The following CCDC134 variants were observed in gnomAD, a reference collection of about 807,000 sequenced individuals.
CCDC134 encodes coiled-coil domain containing 134.
In CCDC134, 27 loss-of-function variants were observed where a neutral mutation model predicts 25.6. The ratio of observed to expected loss-of-function variants is 1.05; its 90% confidence interval spans 0.78 to 1.45. The LOEUF is 1.45. CCDC134 is among the 40% of genes most tolerant of loss of function. The probability of loss-of-function intolerance (pLI) is 0.00; values close to 1 mark genes in which losing one functional copy is unlikely to be tolerated. For missense variants in CCDC134, 261 were observed against 286.7 expected (o/e 0.91, Z 0.65); for synonymous variants, 110 against 115.0 (o/e 0.96, Z 0.28).
intron 1 of CCDC134, among the ~76,000 whole-genome samples, chr22:41,807,759 C>T (rs1045528498): frequency 3.3e-5 from 5 of 152,066 alleles, no homozygotes; most frequent in Admixed American, 6.6e-5. Context: ...TAGTGGCTCA[C>T]GCCTGTAATC....
At chr22:41,804,026 G>A (rs140917913) in intron 1 of CCDC134, among the ~76,000 whole-genome samples, 5 of 152,098 alleles carry the variant, frequency 3.3e-5, no homozygotes, top group Admixed American at 2.0e-4. Flanking sequence ...CTAGTTACTC[G>A]GGAGGCTGAG....
intron 1 of CCDC134, among the ~76,000 whole-genome samples, chr22:41,802,172 G>C (rs926451884): frequency 3.5e-5 from 5 of 144,094 alleles, no homozygotes; most frequent in Non-Finnish European, 7.6e-5. Context: ...TGTTGTTCTT[G>C]TTTTTTCCCA....
chr22:41,813,499 G>T lies in CCDC134; in HGVS notation c.492+54G>T, dbSNP rs530566441. Reference sequence around the variant, plus strand: ...AGCCCTCTGTCGGGTAGTGGACTAGGATCCTCACATCTGCCTTCAGTTGGG... The same window carrying T: ...AGCCCTCTGTCGGGTAGTGGACTAGTATCCTCACATCTGCCTTCAGTTGGG... On this transcript the variant is annotated intron_variant, in intron 5 of 6. Transcript: ENST00000255784. 103 of 1,588,302 alleles carry T rather than the reference G, an allele frequency of 6.5e-5. No individual in the cohort carries two copies. In the African/African-American group the frequency reaches 1.3e-3, roughly 20 times the overall value.
chr22:41,813,575 T>C, intron 5 of CCDC134, 130 bp downstream of exon 5: 2 of 1,270,910 alleles, frequency 1.6e-6, no homozygotes, highest in Non-Finnish European at 1.1e-6. Flanking sequence ...TCAGGGTATC[T>C]TGGGCCACAG....
chr22:41,822,082 G>A (rs1015859552), intron 6 of CCDC134, among the ~76,000 whole-genome samples: 3 of 152,204 alleles, frequency 2.0e-5, no homozygotes, highest in Admixed American at 6.5e-5. Flanking sequence ...GGTAGAAGGC[G>A]GTGGCCAGAG....
At position 41,827,007 on chromosome 22, in the gene CCDC134, C is replaced by A. The variant is rs1417786257; in HGVS notation, c.*1184C>A. ...ATTTGCTGACTGGCCTTGGCCCACCCCTCCCTGTGCTGCAGCTTCATTGGC... is the reference window on the plus strand; with the variant it reads ...ATTTGCTGACTGGCCTTGGCCCACCACTCCCTGTGCTGCAGCTTCATTGGC... On this transcript the variant is annotated 3_prime_UTR_variant, in exon 7 of 7. Transcript: ENST00000255784. 2.0e-5 allele frequency among the ~76,000 whole-genome samples: 3 copies of A among 152,236 alleles called. No homozygotes were observed. The highest frequency in any genetic ancestry group is 6.5e-5 in the Admixed American group (1 of 15,288).
intron 6 of CCDC134, among the ~76,000 whole-genome samples, chr22:41,817,664 A>T (rs2076629176): frequency 6.6e-6 from 1 of 151,934 alleles, no homozygotes; most frequent in Admixed American, 6.6e-5. Context: ...CCCGGGAGGC[A>T]GAGGTTGCAG....
At position 41,825,948 on chromosome 22, in the gene CCDC134, G is replaced by A. The variant is rs944960942; in HGVS notation, c.*125G>A. On this transcript the variant is annotated 3_prime_UTR_variant, in exon 7 of 7. Transcript: ENST00000255784. This position sits in a 1 kb window ranked among gnomAD's most constrained non-coding sequence, Gnocchi z 4.4. ...CCAGAAGGGGAGGCCACATTTGCCC[G>A]GCCCCCTGGAGCTGGGTCTGAGCCC... is the stretch of plus-strand genomic sequence containing the variant. The A allele has an allele frequency of 2.2e-6, 3 of 1,370,880 alleles. No homozygotes were observed. The highest frequency in any genetic ancestry group is 2.7e-4 in the Middle Eastern group (1 of 3,692). The allele number at this position is 1,370,880 out of a possible 1,614,324, so 84.9% of individuals were successfully genotyped here. A position where few individuals can be genotyped will look rare whatever the true frequency, so the allele number is the denominator to read the frequency against.
intron 1 of CCDC134, among the ~76,000 whole-genome samples, chr22:41,802,262 C>A (rs1412149841): frequency 6.6e-6 from 1 of 152,188 alleles, no homozygotes; most frequent in East Asian, 1.9e-4. Context: ...TCATATTTCC[C>A]CCTTTTGGTC....
At chr22:41,805,837 T>G (rs1021935991) in intron 1 of CCDC134, among the ~76,000 whole-genome samples, 1 of 152,140 alleles carries the variant, frequency 6.6e-6, no homozygotes, top group Non-Finnish European at 1.5e-5. Flanking sequence ...CACAGGATGT[T>G]GAGGTAGGAG....
chr22:41,809,985 C>CA lies in CCDC134; in HGVS notation c.212dup (p.Leu73AlafsTer3). On this transcript the variant is annotated frameshift_variant, in exon 3 of 7. Transcript: ENST00000255784. LOFTEE classifies it high-confidence loss of function. ...AGTACAAGATCCTTGATGTCATGCTCAAGGGGCTCTTTAAGGTGTGTGCAG... is the reference window on the plus strand; with the variant it reads ...AGTACAAGATCCTTGATGTCATGCTCAAAGGGGCTCTTTAAGGTGTGTGCAG... 1 of 1,614,108 alleles carries CA rather than the reference C, an allele frequency of 6.2e-7. No individual in the cohort carries two copies. The highest frequency in any genetic ancestry group is 8.5e-7 in the Non-Finnish European group (1 of 1,180,012).
chr22:41,819,963 TTATATATATATATATATATA>T (rs34213936), intron 6 of CCDC134, among the ~76,000 whole-genome samples: 11 of 82,620 alleles, frequency 1.3e-4, no homozygotes, highest in East Asian at 1.1e-3. Flanking sequence ...ACTTACCACT[TTATATATATATATATATATA>T]TATATATATA....
chr22:41,808,702 T>A (rs554808184), intron 1 of CCDC134, among the ~76,000 whole-genome samples, 173 bp from the exon 2 acceptor site: 2 of 152,342 alleles, frequency 1.3e-5, no homozygotes, highest in South Asian at 4.1e-4. Context: ...GGCTCTGTAT[T>A]GTGTGCCTGC....
chr22:41,824,687 G>A (rs1033334434), intron 6 of CCDC134, among the ~76,000 whole-genome samples: 3 of 152,162 alleles, frequency 2.0e-5, no homozygotes, highest in Non-Finnish European at 2.9e-5. Flanking sequence ...TTGAACCCGG[G>A]AGGTGGAGGT....
chr22:41,818,395 GT>G (rs1483838373), intron 6 of CCDC134, among the ~76,000 whole-genome samples: 1 of 152,222 alleles, frequency 6.6e-6, no homozygotes, highest in East Asian at 1.9e-4. Flanking sequence ...TGCACAAACA[GT>G]TTAGGCACAG....
Position 41,827,249 on chromosome 22 carries a change from G to A in CCDC134, c.*1426G>A, listed in dbSNP as rs557653801. On this transcript the variant is annotated 3_prime_UTR_variant, in exon 7 of 7. Coordinates refer to ENST00000255784, the MANE Select transcript of CCDC134 (RefSeq NM_024821.5). Reference sequence around the variant, plus strand: ...TGTGGGGGCTGGGAGGAGTGCTGGAGAAATTTCCCCATCAGAAGGCCCCTC... The same window carrying A: ...TGTGGGGGCTGGGAGGAGTGCTGGAAAAATTTCCCCATCAGAAGGCCCCTC... 6.6e-6 allele frequency among the ~76,000 whole-genome samples: 1 copy of A among 152,308 alleles called. No individual in the cohort carries two copies. Among genetic ancestry groups the A allele is most frequent in the East Asian group, 1.9e-4 (1 of 5,176 alleles).
chr22:41,819,694 G>A (rs1334076876), intron 6 of CCDC134, among the ~76,000 whole-genome samples: 1 of 151,960 alleles, frequency 6.6e-6, no homozygotes, highest in Non-Finnish European at 1.5e-5. Context: ...GTAAGGTGGG[G>A]GTGCAGTTGC....
At chr22:41,803,235 C>T (rs1027372765) in intron 1 of CCDC134, among the ~76,000 whole-genome samples, 42 of 152,240 alleles carry the variant, frequency 2.8e-4, no homozygotes, top group African/African-American at 8.9e-4. Context: ...TGCACTCCAG[C>T]GTGGGTGACA....
chr22:41,809,052 T>G, intron 2 of CCDC134, 59 bp downstream of exon 2: 1 of 1,398,576 alleles, frequency 7.2e-7, no homozygotes, highest in Non-Finnish European at 1.0e-6. Flanking sequence ...ATGAGGTTCT[T>G]CTACTCAGGG....
Sources: gnomAD v4.1 joint callset for allele counts (sites outside exome capture counted in the v4.1 genomes callset) on GRCh38, gnomAD v4.1.1 for gene constraint, Gnocchi (gnomAD v3.1) non-coding constraint, MANE v1.5 for transcripts, NCBI Gene and HGNC (gene_info 2026-07-23, HGNC 2026-07-21) for gene names.